Variants in MCPH1 observed in about 807,000 individuals in gnomAD.
The protein encoded by MCPH1 is microcephalin.
MCPH1 carries 104 observed loss-of-function variants against 84.5 expected under a neutral mutation model. That is an observed-to-expected ratio of 1.23 (90% CI 1.05 to 1.45). The LOEUF (loss-of-function observed/expected upper bound fraction) is 1.45, where lower values mean the gene tolerates loss of function less well. Ranked by LOEUF, MCPH1 falls within the 40% of genes most tolerant of loss-of-function variation. The pLI, the probability that MCPH1 is intolerant of heterozygous loss-of-function variation, is 0.00. For missense variants in MCPH1, 1,498 were observed against 1,005.7 expected, an observed-to-expected ratio of 1.49 and a Z score of -6.62; for synonymous variants, 514 against 366.8, an observed-to-expected ratio of 1.40 and a Z score of -4.58.
At chr8:6,464,936 T>A (rs1806688214) in intron 9 of MCPH1, among the ~76,000 whole-genome samples, 1 of 151,614 alleles carries the variant, frequency 6.6e-6, no homozygotes, top group East Asian at 1.9e-4. Context: ...GAGGTAGAGG[T>A]TGCAGTGAGC....
chr8:6,440,824 C>T (rs958622572), intron 6 of MCPH1, among the ~76,000 whole-genome samples: 16 of 152,154 alleles, frequency 1.1e-4, no homozygotes, highest in African/African-American at 3.9e-4. Flanking sequence ...AGGTTAGTTT[C>T]GGCTGCATAT....
intron 11 of MCPH1, among the ~76,000 whole-genome samples, chr8:6,493,837 T>C (rs1271769088): frequency 6.6e-6 from 1 of 152,238 alleles, no homozygotes; most frequent in Non-Finnish European, 1.5e-5. Flanking sequence ...GTCAGTGTTT[T>C]ACACATCGTC....
chr8:6,591,183 C>A (rs1828424540), intron 12 of MCPH1, among the ~76,000 whole-genome samples: 1 of 152,262 alleles, frequency 6.6e-6, no homozygotes, highest in Admixed American at 6.5e-5. Context: ...AGGCGTGAGC[C>A]ACCACGACCG....
At chr8:6,474,351 C>T (rs1029559514) in intron 9 of MCPH1, 2 of 405,490 alleles carry the variant, frequency 4.9e-6, no homozygotes, top group Admixed American at 3.8e-5. Flanking sequence ...TTTCTATCAC[C>T]AAGTCAGAAC....
In MCPH1 at chr8:6,445,073, G is replaced by A. The variant is rs202004426; in HGVS notation, c.1351G>A (p.Glu451Lys). The A allele has an allele frequency of 6.0e-4, 965 of 1,614,238 alleles. 9 individuals carry two copies. In the South Asian group the frequency reaches 0.01, roughly 17 times the overall value. The change falls in exon 8 of 14, where the codon GAG becomes AAG. Residue 451 changes from glutamate (E) to lysine (K), a missense_variant. By Grantham distance (56) the Glu-to-Lys change is moderately conservative (BLOSUM62 1). Transcript: ENST00000344683. ...GAGCTGCAGAAGTCTTTCTAAGAAG[G>A]AGAGAACAAGCATATTTGAAATGTC... ...QLSCRSLSKK[E>K]RTSIFEMSDF...
At chr8:6,484,126 A>G (rs947431829) in intron 11 of MCPH1, among the ~76,000 whole-genome samples, 4 of 152,246 alleles carry the variant, frequency 2.6e-5, no homozygotes, top group Non-Finnish European at 2.9e-5. Flanking sequence ...TATTATGAAG[A>G]GATCAGAAGA....
In MCPH1 at chr8:6,444,710, T is replaced by C. The variant is rs761279540; in HGVS notation, c.988T>C (p.Tyr330His). ...GMSQETFEEK[Y>H]RLSPTLSSTK... ...GTCTCAGGAGACGTTTGAAGAGAAG[T>C]ATCGTTTGTCTCCTACCTTATCTTC... Residue 330 changes from tyrosine to histidine, a missense_variant, in exon 8 of 14, where the codon TAT (tyrosine) becomes CAT (histidine). Physicochemically the swap from Tyr to His is moderately conservative, Grantham distance 83 (BLOSUM62 2). Coordinates refer to ENST00000344683, the MANE Select transcript of MCPH1 (RefSeq NM_024596.5). 2 of 1,614,040 alleles carry C rather than the reference T, an allele frequency of 1.2e-6. No individual in the cohort carries two copies. Among genetic ancestry groups the C allele is most frequent in the South Asian group, 1.1e-5 (1 of 91,060 alleles).
chr8:6,638,855 C>G (rs903996627), intron 13 of MCPH1, among the ~76,000 whole-genome samples: 1 of 152,166 alleles, frequency 6.6e-6, no homozygotes, highest in Admixed American at 6.5e-5. Flanking sequence ...GAGGGGCTCC[C>G]TGGACATGAC....
rs141062951 is a variant in MCPH1, at chr8:6,498,317, ACT to A, written c.2137-1532_2137-1531del. Among the ~76,000 whole-genome samples the A allele has an allele frequency of 6.6e-3, 1,010 of 152,256 alleles. 10 individuals carry two copies. The highest frequency in any genetic ancestry group is 0.023 in the African/African-American group (962 of 41,552). ...AAAGTAGATTTTCACTATTTTGAAC[ACT>A]CTATTAAGGTAAAGATGTGTTCGGC... On this transcript the variant is annotated intron_variant, in intron 11 of 13. Coordinates refer to ENST00000344683, the MANE Select transcript of MCPH1 (RefSeq NM_024596.5).
At chr8:6,588,316 G>T (rs534479205) in intron 12 of MCPH1, among the ~76,000 whole-genome samples, 1 of 151,480 alleles carries the variant, frequency 6.6e-6, no homozygotes, top group Non-Finnish European at 1.5e-5. Flanking sequence ...CGTTATCAGA[G>T]CAAGAACTAT....
intron 5 of MCPH1, among the ~76,000 whole-genome samples, chr8:6,438,725 G>C (rs1191988224): frequency 6.6e-6 from 1 of 152,196 alleles, no homozygotes; most frequent in Non-Finnish European, 1.5e-5. Flanking sequence ...ATTGTTCTTA[G>C]CACAGTGCTT....
intron 12 of MCPH1, among the ~76,000 whole-genome samples, chr8:6,534,589 G>A (rs1820166045): frequency 6.6e-6 from 1 of 152,018 alleles, no homozygotes; most frequent in South Asian, 2.1e-4. Context: ...TTTTCCATAT[G>A]AACCAAAACA....
At chr8:6,455,601 T>G (rs1209298084) in intron 9 of MCPH1, among the ~76,000 whole-genome samples, 1 of 152,156 alleles carries the variant, frequency 6.6e-6, no homozygotes, top group East Asian at 1.9e-4. Context: ...AATCCAAACA[T>G]TCATTCACTT....
chr8:6,458,212 C>G (rs1425565435), intron 9 of MCPH1, among the ~76,000 whole-genome samples: 1 of 152,128 alleles, frequency 6.6e-6, no homozygotes, highest in Non-Finnish European at 1.5e-5. Flanking sequence ...GTGGCTCACA[C>G]CTGTAATCCC....
intron 12 of MCPH1, among the ~76,000 whole-genome samples, chr8:6,589,777 G>A (rs1828293439): frequency 1.3e-5 from 2 of 152,206 alleles, no homozygotes; most frequent in Admixed American, 1.3e-4. Flanking sequence ...CCAAAGACCT[G>A]TTGATTTCCA....
intron 12 of MCPH1, among the ~76,000 whole-genome samples, chr8:6,527,327 C>A (rs145983965): frequency 9.0e-4 from 137 of 152,314 alleles, no homozygotes; most frequent in African/African-American, 3.0e-3. Context: ...CTAAGAGGAT[C>A]TTTAAGGGGC....
intron 13 of MCPH1, among the ~76,000 whole-genome samples, chr8:6,631,937 G>A (rs182608377): frequency 6.6e-6 from 1 of 152,304 alleles, no homozygotes; most frequent in Admixed American, 6.5e-5. Context: ...AAGCCCAAGT[G>A]TTCATCAGTG....
chr8:6,626,474 GT>G (rs71213328), intron 13 of MCPH1: 34,233 of 859,846 alleles, frequency 0.04, 159 homozygotes, highest in African/African-American at 0.13. Flanking sequence ...TTTTTGTTTT[GT>G]TTTTTTTTTT....
chr8:6,617,324 G>T (rs1180436935), intron 12 of MCPH1: 1 of 142,700 alleles, frequency 7.0e-6, no homozygotes, highest in Non-Finnish European at 1.5e-5. Context: ...CTGTCGCCCA[G>T]GCTGGAGTAC....
Sources: gnomAD v4.1 joint callset for allele counts (sites outside exome capture counted in the v4.1 genomes callset) on GRCh38, gnomAD v4.1.1 for gene constraint, MANE v1.5 for transcripts, NCBI Gene and HGNC (gene_info 2026-07-23, HGNC 2026-07-21) for gene names.